RUNX2: variants seen among roughly 807,000 people sequenced by gnomAD.
RUNX2 encodes the protein runt-related transcription factor 2.
Under a neutral mutation model 51.7 loss-of-function variants are expected in RUNX2, and 10 were observed. The ratio of observed to expected loss-of-function variants is 0.19; its 90% CI spans 0.12 to 0.33. The LOEUF is 0.33. Among genes scored for constraint, RUNX2 ranks in the 10% least tolerant of loss-of-function variants. The probability of loss-of-function intolerance (pLI) is 1.00; values close to 1 mark genes in which losing one functional copy is unlikely to be tolerated. For synonymous variants in RUNX2, 276 were observed against 273.6 expected (o/e 1.01, Z -0.09); for missense variants, 562 against 691.3 (o/e 0.81, Z 2.10).
intron 7 of RUNX2, among the ~76,000 whole-genome samples, chr6:45,521,133 G>A (rs1801495379): frequency 6.6e-6 from 1 of 152,044 alleles, no homozygotes. Flanking sequence ...ACAGTTTTTG[G>A]CACATGGTAG....
chr6:45,454,523 A>C (rs1799266146), intron 5 of RUNX2, among the ~76,000 whole-genome samples: 1 of 152,238 alleles, frequency 6.6e-6, no homozygotes, highest in South Asian at 2.1e-4. Flanking sequence ...AGCTGTAAAC[A>C]AAAACTTTTA....
intron 2 of RUNX2, chr6:45,372,018 G>T: frequency 1.1e-6 from 1 of 950,134 alleles, no homozygotes; most frequent in African/African-American, 1.8e-5. Flanking sequence ...ATACATCAAA[G>T]AATATACAAA....
chr6:45,373,545 T>C (rs113081836), intron 2 of RUNX2, among the ~76,000 whole-genome samples: 3 of 150,192 alleles, frequency 2.0e-5, no homozygotes, highest in Non-Finnish European at 3.0e-5. Flanking sequence ...AAAATATTAT[T>C]TGTGTGTGTG....
At chr6:45,365,355 G>GA in intron 2 of RUNX2, 6 of 1,158,558 alleles carry the variant, frequency 5.2e-6, no homozygotes, top group South Asian at 1.4e-5. Flanking sequence ...ATAAGTAAAT[G>GA]CAAAAAAAAA....
intron 5 of RUNX2, among the ~76,000 whole-genome samples, chr6:45,489,207 C>T (rs1259396267): frequency 6.6e-6 from 1 of 152,106 alleles, no homozygotes; most frequent in Non-Finnish European, 1.5e-5. Context: ...ATAAATGTTT[C>T]CTGAATTATT....
At chr6:45,457,302 C>T (rs1416435722) in intron 5 of RUNX2, among the ~76,000 whole-genome samples, 1 of 152,060 alleles carries the variant, frequency 6.6e-6, no homozygotes, top group Non-Finnish European at 1.5e-5. Flanking sequence ...AAAGGTAATG[C>T]TTAACCTTTC....
At chr6:45,542,922 G>A (rs1168010987) in intron 7 of RUNX2, among the ~76,000 whole-genome samples, 2 of 152,212 alleles carry the variant, frequency 1.3e-5, no homozygotes, top group Admixed American at 1.3e-4. Context: ...TGTCAAACAG[G>A]GGTTAGATTT....
At chr6:45,473,536 T>C (rs567105024) in intron 5 of RUNX2, among the ~76,000 whole-genome samples, 1 of 152,252 alleles carries the variant, frequency 6.6e-6, no homozygotes, top group South Asian at 2.1e-4. Context: ...TGACGACAGG[T>C]GCTAATCTTC....
intron 5 of RUNX2, among the ~76,000 whole-genome samples, chr6:45,443,087 T>C (rs1798888969): frequency 8.2e-6 from 1 of 121,422 alleles, no homozygotes; most frequent in Admixed American, 1.1e-4. Flanking sequence ...TGCCCTGTCA[T>C]CCAGGCTGGA....
At chr6:45,395,028 C>T (rs1379779897) in intron 2 of RUNX2, among the ~76,000 whole-genome samples, 2 of 152,264 alleles carry the variant, frequency 1.3e-5, no homozygotes, top group Admixed American at 1.3e-4. Context: ...AGCTAGTCCA[C>T]AAGCTTAGTC....
At chr6:45,384,420 G>T (rs528383718) in intron 2 of RUNX2, among the ~76,000 whole-genome samples, 6 of 152,088 alleles carry the variant, frequency 3.9e-5, no homozygotes, top group African/African-American at 1.4e-4. Context: ...GAGTAGCTGG[G>T]ACTACGGGCA....
intron 7 of RUNX2, among the ~76,000 whole-genome samples, chr6:45,536,872 G>GT (rs923756226): frequency 4.6e-5 from 7 of 152,252 alleles, no homozygotes; most frequent in Non-Finnish European, 1.0e-4. Flanking sequence ...CTCAGTTATG[G>GT]TTTTTTTACA....
At chr6:45,432,984 A>G (rs1265834620) in intron 4 of RUNX2, among the ~76,000 whole-genome samples, 1 of 152,208 alleles carries the variant, frequency 6.6e-6, no homozygotes, top group Non-Finnish European at 1.5e-5. Context: ...GAGGAGCACC[A>G]CTTTTTAAAC....
intron 6 of RUNX2, among the ~76,000 whole-genome samples, chr6:45,502,293 A>G (rs546421051): frequency 6.6e-6 from 1 of 152,220 alleles, no homozygotes; most frequent in African/African-American, 2.4e-5. Flanking sequence ...TGCTCTTTCT[A>G]TGTAAGATCA....
chr6:45,484,948 C>T (rs1056221915), intron 5 of RUNX2, among the ~76,000 whole-genome samples: 1 of 152,154 alleles, frequency 6.6e-6, no homozygotes, highest in Admixed American at 6.5e-5. Context: ...TCCTCTCTTC[C>T]TTTTTACTCC....
In RUNX2 at chr6:45,528,078, A is replaced by C. The variant is rs148999949; in HGVS notation, c.1021+15671A>C. On this transcript the variant is annotated intron_variant, in intron 7 of 8. Transcript: ENST00000647337. ...GAGAATGTGTACAGGGGGCAGGGGAACTCCTCTTTTTAAAACCATCAGATC... is the reference window on the plus strand; with the variant it reads ...GAGAATGTGTACAGGGGGCAGGGGACCTCCTCTTTTTAAAACCATCAGATC... 8.9e-3 allele frequency among the ~76,000 whole-genome samples: 1,353 copies of C among 152,022 alleles called. 17 individuals carry two copies. Among genetic ancestry groups the C allele is most frequent in the African/African-American group, 0.031 (1,281 of 41,426 alleles).
At chr6:45,370,335 T>C (rs924502783) in intron 2 of RUNX2, among the ~76,000 whole-genome samples, 1 of 152,100 alleles carries the variant, frequency 6.6e-6, no homozygotes, top group Non-Finnish European at 1.5e-5. Context: ...TTCTGGAGCC[T>C]TAGAAACTGG....
chr6:45,416,964 ATTTCATCTCTTG>A (rs1281514389), intron 2 of RUNX2, among the ~76,000 whole-genome samples: 1 of 152,160 alleles, frequency 6.6e-6, no homozygotes, highest in Non-Finnish European at 1.5e-5. Context: ...CACTACAAAC[ATTTCATCTCTTG>A]TTACAGCCAT....
intron 2 of RUNX2, among the ~76,000 whole-genome samples, chr6:45,360,961 C>T (rs1794146545): frequency 6.6e-6 from 1 of 152,064 alleles, no homozygotes; most frequent in African/African-American, 2.4e-5. Flanking sequence ...CAGTTCCTGC[C>T]ATATAATAAG....
Sources: allele counts gnomAD v4.1 joint callset (sites outside exome capture counted in the v4.1 genomes callset), GRCh38; gene constraint gnomAD v4.1.1; transcripts MANE v1.5; gene names NCBI Gene and HGNC (gene_info 2026-07-23, HGNC 2026-07-21).